The following RAB10 variants were observed in gnomAD, a reference collection of about 807,000 sequenced individuals.
The protein encoded by RAB10 is RAB10, member RAS oncogene family.
A neutral mutation model predicts 25.7 loss-of-function variants in RAB10; 5 were observed. The ratio of observed to expected loss-of-function variants is 0.19; its 90% CI spans 0.10 to 0.41. The LOEUF (loss-of-function observed/expected upper bound fraction) is 0.41. RAB10 is among the 10% of genes least tolerant of loss of function. The pLI is 1.00. For missense variants in RAB10, 103 were observed against 245.8 expected, an observed-to-expected ratio of 0.42 and a Z score of 3.89; for synonymous variants, 89 against 86.4, an observed-to-expected ratio of 1.03 and a Z score of -0.16.
At chr2:26,036,943 CA>C in intron 1 of RAB10, among the ~76,000 whole-genome samples, 1 of 151,930 alleles carries the variant, frequency 6.6e-6, no homozygotes, top group Non-Finnish European at 1.5e-5. Flanking sequence ...CCCACCACCA[CA>C]CCTGGCTAAT....
chr2:26,094,626 T>G (rs1667173691), intron 1 of RAB10, among the ~76,000 whole-genome samples: 1 of 152,010 alleles, frequency 6.6e-6, no homozygotes, highest in African/African-American at 2.4e-5. Flanking sequence ...TGGTGCGATC[T>G]TGGCTCACTG....
intron 1 of RAB10, among the ~76,000 whole-genome samples, chr2:26,081,057 G>A (rs952237023): frequency 1.5e-4 from 23 of 152,142 alleles, no homozygotes; most frequent in African/African-American, 4.6e-4. Flanking sequence ...TCCTGTGATA[G>A]TGAATAAGTC....
intron 1 of RAB10, among the ~76,000 whole-genome samples, chr2:26,049,702 T>A (rs1470672924): frequency 6.6e-6 from 1 of 152,220 alleles, no homozygotes; most frequent in Non-Finnish European, 1.5e-5. Flanking sequence ...CTGGCCTAGA[T>A]GAGAATTTTA....
At chr2:26,043,883 A>C (rs1247492394) in intron 1 of RAB10, among the ~76,000 whole-genome samples, 1 of 152,222 alleles carries the variant, frequency 6.6e-6, no homozygotes, top group Non-Finnish European at 1.5e-5. Flanking sequence ...AAAATGTTTG[A>C]AATGCATGAA....
At chr2:26,060,324 G>T (rs1226110957) in intron 1 of RAB10, among the ~76,000 whole-genome samples, 1 of 151,834 alleles carries the variant, frequency 6.6e-6, no homozygotes, top group African/African-American at 2.4e-5. Context: ...ACGGAGTCTC[G>T]CTCTGTTGCC....
chr2:26,110,211 A>C (rs1466937311), intron 3 of RAB10, among the ~76,000 whole-genome samples: 1 of 151,708 alleles, frequency 6.6e-6, no homozygotes, highest in African/African-American at 2.4e-5. Flanking sequence ...GGTGATGTGC[A>C]CCTGTCGTCC....
intron 3 of RAB10, among the ~76,000 whole-genome samples, chr2:26,119,039 T>C (rs1185134899): frequency 2.6e-5 from 4 of 152,190 alleles, no homozygotes; most frequent in Non-Finnish European, 4.4e-5. Context: ...GCTGTTTTAT[T>C]GGTCCCCTGG....
In RAB10 at chr2:26,127,916, G is replaced by T; in HGVS notation, c.484G>T (p.Ala162Ser). Residue 162 changes from alanine to serine, a missense_variant, in exon 5 of 6, where the codon GCG becomes TCG. Ala to Ser is a moderately conservative substitution (Grantham distance 99). This residue lies in a region of RAB10 where 79 missense variants were observed against 217.8 expected (regional missense o/e 0.36). Coordinates refer to ENST00000264710, the MANE Select transcript of RAB10 (RefSeq NM_016131.5). ...SAKANINIEK[A>S]FLTLAEDILR... ...AAAAGCAAATATAAACATCGAAAAGGCGTTCCTCACGTTAGCTGAAGATAT... is the reference window on the plus strand; with the variant it reads ...AAAAGCAAATATAAACATCGAAAAGTCGTTCCTCACGTTAGCTGAAGATAT... 6.2e-7 allele frequency: 1 copy of T among 1,610,078 alleles called. No homozygotes were observed. The highest frequency in any genetic ancestry group is 8.5e-7 in the Non-Finnish European group (1 of 1,176,308).
chr2:26,069,865 CCCACTAAT>C (rs1666588213), intron 1 of RAB10, among the ~76,000 whole-genome samples: 1 of 151,846 alleles, frequency 6.6e-6, no homozygotes, highest in Admixed American at 6.6e-5. Flanking sequence ...GCCACCATGC[CCCACTAAT>C]TTTTGTGTTT....
At chr2:26,092,097 G>A (rs1381543980) in intron 1 of RAB10, among the ~76,000 whole-genome samples, 1 of 151,780 alleles carries the variant, frequency 6.6e-6, no homozygotes, top group Non-Finnish European at 1.5e-5. Flanking sequence ...GCTTGAACTT[G>A]GAAGGCAGAG....
chr2:26,134,861 G>T (rs1172814578), intron 5 of RAB10, 77 bp from the exon 6 acceptor site: 4 of 1,159,348 alleles, frequency 3.5e-6, no homozygotes, highest in Non-Finnish European at 5.0e-6. Flanking sequence ...ATTGACATAA[G>T]AATATTCCTG....
At chr2:26,116,790 T>G (rs569126160) in intron 3 of RAB10, among the ~76,000 whole-genome samples, 1 of 152,008 alleles carries the variant, frequency 6.6e-6, no homozygotes, top group East Asian at 1.9e-4. Flanking sequence ...TCTCCTGACC[T>G]CATGATCTGC....
chr2:26,134,953 C>G lies in RAB10; in HGVS notation c.535C>G (p.Pro179Ala). 2 of 1,613,254 alleles carry G rather than the reference C, an allele frequency of 1.2e-6. No homozygotes were observed. Among genetic ancestry groups the G allele is most frequent in the Non-Finnish European group, 1.7e-6 (2 of 1,179,448 alleles). Residue 179 changes from proline (P) to alanine (A), a missense_variant, in exon 6 of 6, where the codon CCC becomes GCC. Around this residue, in one of 2 missense-constraint regions of RAB10, gnomAD observed 24 missense variants for 28.0 expected, o/e 0.86. Transcript: ENST00000264710. ...DILRKTPVKEPNSENVDISSG... is the reference protein window; with the variant it reads ...DILRKTPVKEANSENVDISSG... ...TTTGTTGCAGACCCCTGTAAAAGAG[C>G]CCAACAGTGAAAATGTAGATATCAG...
intron 1 of RAB10, among the ~76,000 whole-genome samples, chr2:26,041,963 A>G (rs1217002827): frequency 6.6e-6 from 1 of 152,160 alleles, no homozygotes; most frequent in Non-Finnish European, 1.5e-5. Flanking sequence ...GGCTTAAGAG[A>G]GTTACTGCTT....
At chr2:26,127,264 T>C in intron 4 of RAB10, 31 bp downstream of exon 4, 1 of 1,474,520 alleles carries the variant, frequency 6.8e-7, no homozygotes, top group Non-Finnish European at 9.3e-7. Flanking sequence ...GATACTCTGC[T>C]CTGTCTTTGT....
At position 26,108,865 on chromosome 2, in the gene RAB10, G is replaced by T. The variant is rs1052307126; in HGVS notation, c.189-903G>T. Among the ~76,000 whole-genome samples the T allele has an allele frequency of 1.3e-4, 20 of 148,644 alleles. No individual in the cohort carries two copies. In the East Asian group the frequency reaches 1.4e-3, roughly 10 times the overall value. Reference sequence around the variant, plus strand: ...TTGGAGAGATACAGGGTTGAGATTGGGGTCTTTTGCTTTATATTTATTTAT... The same window carrying T: ...TTGGAGAGATACAGGGTTGAGATTGTGGTCTTTTGCTTTATATTTATTTAT... On this transcript the variant is annotated intron_variant, in intron 2 of 5. Transcript: ENST00000264710.
intron 1 of RAB10, among the ~76,000 whole-genome samples, chr2:26,046,424 G>A (rs1008273308): frequency 3.9e-5 from 6 of 152,110 alleles, no homozygotes; most frequent in African/African-American, 1.2e-4. Flanking sequence ...TGAGAAAAAC[G>A]TTTTTATTTG....
chr2:26,088,613 T>C (rs1470096), intron 1 of RAB10, among the ~76,000 whole-genome samples: 126,043 of 151,932 alleles, frequency 0.83, 52,614 homozygotes, highest in African/African-American at 0.93. Flanking sequence ...GTTTAACTTG[T>C]CCCCCCACCA....
At chr2:26,051,112 A>C (rs1666123005) in intron 1 of RAB10, among the ~76,000 whole-genome samples, 1 of 151,480 alleles carries the variant, frequency 6.6e-6, no homozygotes, top group African/African-American at 2.4e-5. Context: ...TAATTTTTAA[A>C]TTTTTTGTAG....
Sources: allele counts gnomAD v4.1 joint callset (sites outside exome capture counted in the v4.1 genomes callset), GRCh38; gene constraint gnomAD v4.1.1; regional missense constraint gnomAD v4.1.1; transcripts MANE v1.5; gene names NCBI Gene and HGNC (gene_info 2026-07-23, HGNC 2026-07-21).